Variants in CLEC16A observed in about 807,000 individuals in gnomAD.
CLEC16A encodes the protein C-type lectin domain containing 16A.
CLEC16A carries 51 observed loss-of-function variants against 109.5 expected under a neutral mutation model. The observed-to-expected ratio is 0.47, with a 90% CI of 0.37 to 0.59. CLEC16A has a LOEUF of 0.59. CLEC16A is among the 20% of genes least tolerant of loss of function. The pLI, the probability that CLEC16A is intolerant of heterozygous loss-of-function variation, is 0.00. For synonymous variants in CLEC16A, 673 were observed against 564.2 expected, an observed-to-expected ratio of 1.19 and a Z score of -2.73; for missense variants, 1,339 against 1,394.0, an observed-to-expected ratio of 0.96 and a Z score of 0.63.
chr16:11,003,422 T>C, intron 11 of CLEC16A, 117 bp downstream of exon 11: 1 of 763,774 alleles, frequency 1.3e-6, no homozygotes, highest in Admixed American at 2.7e-5. Flanking sequence ...CAGCCAGTGA[T>C]TCGATTCCTA....
intron 19 of CLEC16A, among the ~76,000 whole-genome samples, chr16:11,071,413 AAG>A (rs1263645585): frequency 6.6e-6 from 1 of 152,176 alleles, no homozygotes; most frequent in Non-Finnish European, 1.5e-5. Flanking sequence ...AAGACCAAAA[AAG>A]AGGGGGACGA....
intron 22 of CLEC16A, among the ~76,000 whole-genome samples, chr16:11,137,587 TAAAAAAAAAAAA>T (rs5815617): frequency 6.7e-5 from 4 of 59,312 alleles, no homozygotes; most frequent in African/African-American, 2.0e-4. Context: ...AGACTCCATC[TAAAAAAAAAAAA>T]AAAAAAAAAA....
Position 11,178,905 on chromosome 16 carries a change from C to G in CLEC16A, c.*215C>G. The G allele has an allele frequency of 2.0e-6, 1 of 505,298 alleles. No individual in the cohort carries two copies. The highest frequency in any genetic ancestry group is 3.5e-6 in the Non-Finnish European group (1 of 289,622). 31.3% of individuals were successfully genotyped at this position (505,298 alleles called of 1,614,324 possible). ...CATCTCTTCACGTGCAGGCTGGGAC[C>G]AGCGGAGACACCGCGGCGAATGCAG... On this transcript the variant is annotated 3_prime_UTR_variant, in exon 24 of 24. Coordinates refer to ENST00000409790, the MANE Select transcript of CLEC16A (RefSeq NM_015226.3). The surrounding 1 kb of genome is among the most constrained non-coding windows in gnomAD (Gnocchi z 6.5).
intron 18 of CLEC16A, chr16:11,056,609 C>T (rs1012040580): frequency 2.0e-5 from 3 of 152,178 alleles, no homozygotes; most frequent in African/African-American, 7.2e-5. Context: ...CACATTGTTT[C>T]CCTGTTCCTT....
At chr16:10,982,339 C>T (rs1301770521) in intron 9 of CLEC16A, among the ~76,000 whole-genome samples, 4 of 152,114 alleles carry the variant, frequency 2.6e-5, no homozygotes, top group Admixed American at 6.5e-5. Context: ...TACCTCCTGA[C>T]GATGCTGTGG....
chr16:11,071,815 T>G (rs551356576), intron 19 of CLEC16A, among the ~76,000 whole-genome samples: 1 of 148,322 alleles, frequency 6.7e-6, no homozygotes, highest in Non-Finnish European at 1.5e-5. Flanking sequence ...AGGCTGGTCT[T>G]GAACCCCTGG....
chr16:11,144,484 C>G (rs1048095715), intron 22 of CLEC16A, among the ~76,000 whole-genome samples: 1 of 151,980 alleles, frequency 6.6e-6, no homozygotes, highest in South Asian at 2.1e-4. Context: ...GAAAAGCCAC[C>G]CTCCCCTCAG....
chr16:11,145,788 G>A, intron 22 of CLEC16A, among the ~76,000 whole-genome samples: 1 of 152,222 alleles, frequency 6.6e-6, no homozygotes, highest in East Asian at 1.9e-4. Flanking sequence ...GCCCTCTATG[G>A]TCCATTCTTA....
Position 10,944,856 on chromosome 16 carries a change from G to T in CLEC16A, c.80+59G>T, listed in dbSNP as rs775249259. 2.7e-6 allele frequency: 4 copies of T among 1,473,654 alleles called. No homozygotes were observed. The Admixed American group carries it at 7.8e-5, about 29-fold the overall frequency. 91.3% of individuals were successfully genotyped at this position (1,473,654 alleles called of 1,614,324 possible). A position where few individuals can be genotyped will look rare whatever the true frequency, so the allele number is the denominator to read the frequency against. On this transcript the variant is annotated intron_variant, in intron 1 of 23. Transcript: ENST00000409790. ...GCTGGACAGGGGGACGGGGCGCCGA[G>T]CTCCGGGTCGGGGCTCTAGGAGGCG... is the stretch of plus-strand genomic sequence containing the variant.
At chr16:11,122,396 T>G (rs1346763356) in intron 20 of CLEC16A, among the ~76,000 whole-genome samples, 1 of 152,208 alleles carries the variant, frequency 6.6e-6, no homozygotes, top group Non-Finnish European at 1.5e-5. Context: ...TTAATTTCCT[T>G]TAGAATTTAG....
At position 11,181,954 on chromosome 16, in the gene CLEC16A, G is replaced by A. The variant is rs200575596; in HGVS notation, c.*3264G>A. 2.0e-5 allele frequency: 3 copies of A among 152,656 alleles called. No individual in the cohort carries two copies. The highest frequency in any genetic ancestry group is 7.2e-5 in the African/African-American group (3 of 41,452). 9.5% of individuals were successfully genotyped at this position (152,656 alleles called of 1,614,324 possible). On this transcript the variant is annotated 3_prime_UTR_variant, in exon 24 of 24. Coordinates refer to ENST00000409790, the MANE Select transcript of CLEC16A (RefSeq NM_015226.3). ...GTCATCTTGACATTGGGCCTACACTGTACGAGTTCCTTATGTTTCCTTGAG... is the reference window on the plus strand; with the variant it reads ...GTCATCTTGACATTGGGCCTACACTATACGAGTTCCTTATGTTTCCTTGAG...
intron 10 of CLEC16A, among the ~76,000 whole-genome samples, chr16:10,984,396 A>G (rs1291322265): frequency 6.6e-6 from 1 of 152,174 alleles, no homozygotes; most frequent in Admixed American, 6.5e-5. Flanking sequence ...TTCTTGATTC[A>G]TTCAGCAGTG....
intron 11 of CLEC16A, among the ~76,000 whole-genome samples, chr16:11,018,367 A>G (rs1022095866): frequency 6.6e-6 from 1 of 151,908 alleles, no homozygotes; most frequent in Non-Finnish European, 1.5e-5. Context: ...TGAGCCTTGA[A>G]TGATGCACCC....
Position 11,003,400 on chromosome 16 carries a change from C to T in CLEC16A, c.1303+95C>T, listed in dbSNP as rs1023293583. 10 of 918,144 alleles carry T rather than the reference C, an allele frequency of 1.1e-5. No individual in the cohort carries two copies. The African/African-American group carries it at 1.5e-4, about 14-fold the overall frequency. 56.9% of individuals were successfully genotyped at this position (918,144 alleles called of 1,614,324 possible). A position where few individuals can be genotyped will look rare whatever the true frequency, so the allele number is the denominator to read the frequency against. On this transcript the variant is annotated intron_variant, in intron 11 of 23. Transcript: ENST00000409790. ...TGCCCTCTCCACCCAGACTTCTGCT[C>T]CCCACAGTGTCCAGCCAGTGATTCG...
intron 12 of CLEC16A, 82 bp from the exon 13 acceptor site, chr16:11,024,739 A>G: frequency 2.8e-6 from 3 of 1,062,292 alleles, no homozygotes; most frequent in Non-Finnish European, 4.2e-6. Context: ...AAAGGCAGCT[A>G]GCACCCCATG....
At chr16:11,143,524 A>G (rs895131597) in intron 22 of CLEC16A, among the ~76,000 whole-genome samples, 3 of 152,128 alleles carry the variant, frequency 2.0e-5, no homozygotes, top group Non-Finnish European at 4.4e-5. Flanking sequence ...CCCCCTAGCA[A>G]CCTCTACCTG....
At chr16:11,168,069 T>G (rs1191976230) in intron 23 of CLEC16A, among the ~76,000 whole-genome samples, 3 of 152,144 alleles carry the variant, frequency 2.0e-5, no homozygotes, top group Non-Finnish European at 4.4e-5. Flanking sequence ...AACAGCTAAG[T>G]GAACAAACAG....
At chr16:10,962,093 C>G (rs1160450373) in intron 2 of CLEC16A, among the ~76,000 whole-genome samples, 1 of 151,100 alleles carries the variant, frequency 6.6e-6, no homozygotes, top group African/African-American at 2.4e-5. Context: ...GCTGGCACTT[C>G]AGGCATGCAC....
intron 17 of CLEC16A, among the ~76,000 whole-genome samples, chr16:11,049,332 G>A (rs954823926): frequency 3.3e-5 from 5 of 152,032 alleles, no homozygotes; most frequent in African/African-American, 1.2e-4. Flanking sequence ...CCGTAAGGTG[G>A]GGGATCCCTA....
Sources: allele counts gnomAD v4.1 joint callset (sites outside exome capture counted in the v4.1 genomes callset), GRCh38; gene constraint gnomAD v4.1.1; non-coding constraint Gnocchi (gnomAD v3.1); transcripts MANE v1.5; gene names NCBI Gene and HGNC (gene_info 2026-07-23, HGNC 2026-07-21).